The following EEFSEC variants were observed in gnomAD, a reference collection of about 807,000 sequenced individuals.
The protein encoded by EEFSEC is eukaryotic elongation factor, selenocysteine-tRNA specific.
EEFSEC carries 43 observed loss-of-function variants against 42.1 expected under a neutral mutation model. The observed-to-expected ratio is 1.02, with a 90% confidence interval of 0.80 to 1.32. The LOEUF (loss-of-function observed/expected upper bound fraction) is 1.32, where lower values mean the gene tolerates loss of function less well. Among genes scored for constraint, EEFSEC ranks in the 40% most tolerant of loss-of-function variants. The probability of loss-of-function intolerance (pLI) is 0.00; values close to 1 mark genes in which losing one functional copy is unlikely to be tolerated. For synonymous variants in EEFSEC, 354 were observed against 339.1 expected (o/e 1.04, Z -0.48); for missense variants, 745 against 803.6 (o/e 0.93, Z 0.88).
the EEFSEC span, among the ~76,000 whole-genome samples, chr3:128,417,077 C>CCA: frequency 6.6e-6 from 1 of 152,128 alleles, no homozygotes; most frequent in African/African-American, 2.4e-5. The surrounding 1 kb of genome is among the most constrained non-coding windows in gnomAD (Gnocchi z 4.3). Flanking sequence ...CAGTCAGCCC[C>CCA]CACCCCATGG....
chr3:128,420,030 ACAGAGACAGTGAGAGGCG>A, the EEFSEC span, among the ~76,000 whole-genome samples: 1 of 152,198 alleles, frequency 6.6e-6, no homozygotes, highest in Admixed American at 6.5e-5. Flanking sequence ...GCCAGGAGAG[ACAGAGACAGTGAGAGGCG>A]CAGAGACATG....
chr3:128,337,932 T>C (rs1452572487), intron 4 of EEFSEC, among the ~76,000 whole-genome samples: 1 of 152,190 alleles, frequency 6.6e-6, no homozygotes, highest in African/African-American at 2.4e-5. Flanking sequence ...TGAGAAGCCC[T>C]TGCACATGTG....
At chr3:128,274,786 G>A (rs947903657) in intron 4 of EEFSEC, among the ~76,000 whole-genome samples, 3 of 152,194 alleles carry the variant, frequency 2.0e-5, no homozygotes, top group Admixed American at 6.5e-5. Flanking sequence ...AGGCATAAAC[G>A]GCCAGCTGTG....
intron 1 of EEFSEC, among the ~76,000 whole-genome samples, chr3:128,215,035 G>C (rs995512611): frequency 3.3e-5 from 5 of 152,200 alleles, no homozygotes; most frequent in African/African-American, 1.2e-4. Flanking sequence ...TATTGTGGTT[G>C]TAATAATGTT....
chr3:128,300,254 C>T (rs558423984), intron 4 of EEFSEC, among the ~76,000 whole-genome samples: 45 of 152,182 alleles, frequency 3.0e-4, no homozygotes, highest in Non-Finnish European at 5.3e-4. Context: ...GCACTGTAAG[C>T]AGGAATCTGG....
intron 4 of EEFSEC, among the ~76,000 whole-genome samples, chr3:128,314,518 C>T (rs553188215): frequency 2.0e-5 from 3 of 152,040 alleles, no homozygotes; most frequent in East Asian, 1.9e-4. Context: ...TCATTTTTGT[C>T]GTTTTTGTAG....
At chr3:128,419,112 G>A in the EEFSEC span, among the ~76,000 whole-genome samples, 1 of 152,304 alleles carries the variant, frequency 6.6e-6, no homozygotes, top group African/African-American at 2.4e-5. Context: ...TATTAGGAGT[G>A]GACTTCACAC....
intron 6 of EEFSEC, among the ~76,000 whole-genome samples, chr3:128,390,939 A>G (rs1207259066): frequency 6.6e-6 from 1 of 152,144 alleles, no homozygotes; most frequent in African/African-American, 2.4e-5. Flanking sequence ...CCCTGTTCAG[A>G]TGTCATCCCA....
chr3:128,162,518 C>T (rs1447314324), intron 1 of EEFSEC, among the ~76,000 whole-genome samples: 7 of 152,200 alleles, frequency 4.6e-5, no homozygotes, highest in Admixed American at 3.9e-4. Flanking sequence ...GCTTTGTCTG[C>T]GGCACCTTCT....
intron 4 of EEFSEC, among the ~76,000 whole-genome samples, chr3:128,297,654 T>C (rs2066721342): frequency 6.6e-6 from 1 of 152,212 alleles, no homozygotes; most frequent in African/African-American, 2.4e-5. Flanking sequence ...CCAGCAGAGC[T>C]TTGAGTCTTG....
At chr3:128,163,520 A>T (rs1423189151) in intron 1 of EEFSEC, among the ~76,000 whole-genome samples, 2 of 152,162 alleles carry the variant, frequency 1.3e-5, no homozygotes, top group Non-Finnish European at 2.9e-5. Context: ...TTTTTAAAAT[A>T]ATTTTATGGT....
At chr3:128,155,548 G>A (rs142345569) in intron 1 of EEFSEC, among the ~76,000 whole-genome samples, 2 of 152,264 alleles carry the variant, frequency 1.3e-5, no homozygotes, top group African/African-American at 4.8e-5. Flanking sequence ...GTATAAAAGG[G>A]TATATAGCTA....
intron 6 of EEFSEC, among the ~76,000 whole-genome samples, chr3:128,359,232 G>A (rs1559938980): frequency 1.3e-5 from 2 of 152,132 alleles, no homozygotes; most frequent in Non-Finnish European, 2.9e-5. Context: ...AGGTCCTGAG[G>A]TGACAGTGAG....
intron 1 of EEFSEC, among the ~76,000 whole-genome samples, chr3:128,226,576 A>C (rs555549282): frequency 6.6e-6 from 1 of 152,212 alleles, no homozygotes; most frequent in African/African-American, 2.4e-5. Flanking sequence ...CCCTTCCCTT[A>C]GCTTTCCGGC....
intron 6 of EEFSEC, chr3:128,362,364 G>GGA: frequency 2.2e-6 from 1 of 453,692 alleles, no homozygotes. Flanking sequence ...TGTTCCTAAT[G>GGA]ACAGCTCTGA....
intron 1 of EEFSEC, among the ~76,000 whole-genome samples, chr3:128,226,752 A>G (rs1162196959): frequency 1.3e-5 from 2 of 152,196 alleles, no homozygotes; most frequent in African/African-American, 4.8e-5. Flanking sequence ...GGGTTGGATT[A>G]ATTTCTGAAG....
chr3:128,246,654 T>C (rs2066130796), intron 1 of EEFSEC, among the ~76,000 whole-genome samples, 182 bp from the exon 2 acceptor site: 1 of 152,234 alleles, frequency 6.6e-6, no homozygotes, highest in Admixed American at 6.5e-5. Flanking sequence ...TCATCTGCCA[T>C]GGCAGTTCTG....
chr3:128,235,239 A>AT (rs11412086), intron 1 of EEFSEC, among the ~76,000 whole-genome samples: 123,165 of 147,564 alleles, frequency 0.83, 51,741 homozygotes, highest in East Asian at 0.99. Flanking sequence ...TAATTTTTGT[A>AT]TTTTTTTTTT....
rs13074006 is a variant in EEFSEC, at chr3:128,268,671, G to A, written c.786+3890G>A. Among the ~76,000 whole-genome samples the A allele has an allele frequency of 6.6e-3, 998 of 152,154 alleles. 5 individuals carry two copies. The highest frequency in any genetic ancestry group is 0.011 in the Non-Finnish European group (774 of 68,026). ...AGGAGAAGACACGGAGAGTCACAGA[G>A]AGAAGTCCATATAAAGACTAAGGCA... On this transcript the variant is annotated intron_variant, in intron 4 of 6. Transcript: ENST00000254730.
Sources: gnomAD v4.1 joint callset for allele counts (sites outside exome capture counted in the v4.1 genomes callset) on GRCh38, gnomAD v4.1.1 for gene constraint, Gnocchi (gnomAD v3.1) non-coding constraint, MANE v1.5 for transcripts, NCBI Gene and HGNC (gene_info 2026-07-23, HGNC 2026-07-21) for gene names.